Variants in KCNT2 observed in about 807,000 individuals in gnomAD.
The protein encoded by KCNT2 is potassium sodium-activated channel subfamily T member 2.
Under a neutral mutation model 153.8 loss-of-function variants are expected in KCNT2, and 67 were observed. The ratio of observed to expected loss-of-function variants is 0.44; its 90% confidence interval spans 0.36 to 0.53. The LOEUF is 0.53. Ranked by LOEUF, KCNT2 falls within the 20% of genes least tolerant of loss-of-function variation. The pLI is 0.00. For synonymous variants in KCNT2, 500 were observed against 458.8 expected (o/e 1.09, Z -1.15); for missense variants, 975 against 1,354.8 (o/e 0.72, Z 4.40).
intron 1 of KCNT2, among the ~76,000 whole-genome samples, chr1:196,546,620 T>A (rs1396664541): frequency 6.6e-6 from 1 of 152,036 alleles, no homozygotes; most frequent in African/African-American, 2.4e-5. Context: ...AGGAAAAACC[T>A]AAGCATCAGA....
At chr1:196,482,213 A>T (rs1394533048) in intron 4 of KCNT2, 118 bp downstream of exon 4, 1 of 665,404 alleles carries the variant, frequency 1.5e-6, no homozygotes, top group African/African-American at 1.9e-5. Flanking sequence ...GATGTGCATG[A>T]AGATTAATCA....
At chr1:196,410,639 T>C (rs1300392901) in intron 12 of KCNT2, among the ~76,000 whole-genome samples, 4 of 151,492 alleles carry the variant, frequency 2.6e-5, no homozygotes, top group Non-Finnish European at 4.4e-5. Context: ...AATATCATTT[T>C]TATTACCATT....
At chr1:196,246,799 A>G (rs1300289836) in intron 26 of KCNT2, among the ~76,000 whole-genome samples, 8 of 152,256 alleles carry the variant, frequency 5.3e-5, no homozygotes, top group African/African-American at 1.9e-4. Context: ...AAAAAGTAAG[A>G]AATTAAAGTA....
At chr1:196,367,239 T>G (rs766109688) in intron 14 of KCNT2, among the ~76,000 whole-genome samples, 2 of 152,080 alleles carry the variant, frequency 1.3e-5, no homozygotes, top group African/African-American at 2.4e-5. Context: ...TAAAAAAAAA[T>G]CATGTAGTAA....
intron 25 of KCNT2, among the ~76,000 whole-genome samples, chr1:196,259,795 C>G (rs1656840649): frequency 6.6e-6 from 1 of 151,850 alleles, no homozygotes; most frequent in Non-Finnish European, 1.5e-5. Context: ...ATCTTCATCT[C>G]TTCATTATAA....
chr1:196,392,802 G>A (rs962032631), intron 13 of KCNT2, among the ~76,000 whole-genome samples: 2 of 151,208 alleles, frequency 1.3e-5, no homozygotes, highest in Non-Finnish European at 3.0e-5. Context: ...TTTTTATAAT[G>A]GGAATCAAAC....
intron 8 of KCNT2, among the ~76,000 whole-genome samples, chr1:196,450,265 T>A (rs1356358304): frequency 1.3e-5 from 2 of 151,756 alleles, no homozygotes; most frequent in African/African-American, 4.8e-5. Context: ...TTTGTTTTAC[T>A]TTTAATCAGA....
At chr1:196,269,075 T>C (rs1226692851) in intron 25 of KCNT2, among the ~76,000 whole-genome samples, 5 of 152,152 alleles carry the variant, frequency 3.3e-5, no homozygotes, top group African/African-American at 1.2e-4. Context: ...CATAAACAAT[T>C]ACATAATAAT....
At chr1:196,579,850 GTGGTGATACAGCTTTCAT>G (rs1051695699) in intron 1 of KCNT2, among the ~76,000 whole-genome samples, 1 of 152,108 alleles carries the variant, frequency 6.6e-6, no homozygotes, top group South Asian at 2.1e-4. Flanking sequence ...TATCAGAAAA[GTGGTGATACAGCTTTCAT>G]TGGTGATACA....
intron 1 of KCNT2, among the ~76,000 whole-genome samples, chr1:196,574,660 A>C (rs1037166125): frequency 6.6e-6 from 1 of 152,000 alleles, no homozygotes; most frequent in Non-Finnish European, 1.5e-5. Flanking sequence ...TTGTTTACAG[A>C]GATCAAAAAT....
At chr1:196,590,359 C>A (rs1001818779) in intron 1 of KCNT2, among the ~76,000 whole-genome samples, 2 of 152,130 alleles carry the variant, frequency 1.3e-5, no homozygotes, top group Non-Finnish European at 2.9e-5. Context: ...TCAGCAGATG[C>A]CAGCTACTGA....
intron 8 of KCNT2, among the ~76,000 whole-genome samples, chr1:196,460,269 T>C (rs1419023032): frequency 2.0e-5 from 3 of 151,774 alleles, no homozygotes; most frequent in Non-Finnish European, 2.9e-5. Context: ...CCAGAAGCCA[T>C]TTTCACAGAT....
At chr1:196,344,994 G>A (rs1666015126) in intron 14 of KCNT2, among the ~76,000 whole-genome samples, 2 of 152,028 alleles carry the variant, frequency 1.3e-5, no homozygotes, top group African/African-American at 2.4e-5. Flanking sequence ...CTTGAGAAAT[G>A]CTAGACATCA....
chr1:196,398,503 C>T (rs1168184279), intron 13 of KCNT2, 60 bp downstream of exon 13: 3 of 868,240 alleles, frequency 3.5e-6, no homozygotes, highest in African/African-American at 1.7e-5. Context: ...AGACTTAACC[C>T]TTAAGCCACT....
intron 21 of KCNT2, among the ~76,000 whole-genome samples, chr1:196,314,189 A>C (rs1662476243): frequency 1.3e-5 from 2 of 151,632 alleles, no homozygotes; most frequent in Admixed American, 1.3e-4. Flanking sequence ...ATCAATAGAA[A>C]TGTCACCATA....
At chr1:196,505,737 C>G (rs1411344775) in intron 1 of KCNT2, among the ~76,000 whole-genome samples, 10 of 151,676 alleles carry the variant, frequency 6.6e-5, no homozygotes, top group Admixed American at 1.3e-4. Flanking sequence ...TCTTCCATTT[C>G]TTTGTATCCT....
At chr1:196,571,243 A>G (rs531085025) in intron 1 of KCNT2, among the ~76,000 whole-genome samples, 33 of 152,084 alleles carry the variant, frequency 2.2e-4, no homozygotes, top group South Asian at 4.1e-4. Flanking sequence ...GTTCAATTAG[A>G]AAAAAATGCT....
intron 14 of KCNT2, among the ~76,000 whole-genome samples, chr1:196,356,394 C>T (rs1667180164): frequency 6.6e-6 from 1 of 151,706 alleles, no homozygotes; most frequent in African/African-American, 2.4e-5. Context: ...TGGTACCTTA[C>T]ATAGTATGGA....
chr1:196,589,330 T>G, intron 1 of KCNT2, among the ~76,000 whole-genome samples: 1 of 152,058 alleles, frequency 6.6e-6, no homozygotes, highest in East Asian at 1.9e-4. Flanking sequence ...AAAAATTCTA[T>G]ACATTAAAAT....
Sources: allele counts gnomAD v4.1 joint callset (sites outside exome capture counted in the v4.1 genomes callset), GRCh38; gene constraint gnomAD v4.1.1; transcripts MANE v1.5; gene names NCBI Gene and HGNC (gene_info 2026-07-23, HGNC 2026-07-21).